CAMK1D: variants seen among roughly 807,000 people sequenced by gnomAD.
CAMK1D encodes calcium/calmodulin-dependent protein kinase type 1D.
A neutral mutation model predicts 47.7 loss-of-function variants in CAMK1D; 9 were observed. The ratio of observed to expected loss-of-function variants is 0.19; its 90% CI spans 0.11 to 0.33. The LOEUF is 0.33. Among genes scored for constraint, CAMK1D ranks in the 10% least tolerant of loss-of-function variants. The pLI is 1.00. For synonymous variants in CAMK1D, 184 were observed against 184.9 expected, an observed-to-expected ratio of 0.99 and a Z score of 0.04; for missense variants, 291 against 488.7, an observed-to-expected ratio of 0.60 and a Z score of 3.81.
Position 12,804,397 on chromosome 10 carries a change from T to C in CAMK1D, c.642-9798T>C, listed in dbSNP as rs955209990. Among the ~76,000 whole-genome samples, 146 of 152,050 alleles carry C rather than the reference T, an allele frequency of 9.6e-4. 1 individual carries two copies. Among genetic ancestry groups the C allele is most frequent in the African/African-American group, 3.3e-3 (136 of 41,484 alleles). ...GGGAGGCAGAGGTGGGCGGATTACC[T>C]GAGGTCAGGAGTTCAAGACCAGCCT... On this transcript the variant is annotated intron_variant, in intron 6 of 10. Transcript: ENST00000619168.
At chr10:12,659,792 T>A (rs548419252) in intron 2 of CAMK1D, among the ~76,000 whole-genome samples, 1 of 152,350 alleles carries the variant, frequency 6.6e-6, no homozygotes, top group African/African-American at 2.4e-5. Flanking sequence ...TTCAGCTTTC[T>A]GGGCTGCTTA....
At chr10:12,724,970 C>G (rs3995694) in intron 3 of CAMK1D, among the ~76,000 whole-genome samples, 1 of 152,014 alleles carries the variant, frequency 6.6e-6, no homozygotes, top group African/African-American at 2.4e-5. Context: ...AAAAAAGGCA[C>G]GTTTCTTTCA....
At chr10:12,774,516 G>A (rs571394212) in intron 5 of CAMK1D, among the ~76,000 whole-genome samples, 2 of 152,336 alleles carry the variant, frequency 1.3e-5, no homozygotes, top group South Asian at 2.1e-4. Context: ...CTTGGAAATC[G>A]TCGTATAGAC....
chr10:12,785,804 A>G (rs184672325), intron 5 of CAMK1D, among the ~76,000 whole-genome samples: 2 of 152,316 alleles, frequency 1.3e-5, no homozygotes, highest in African/African-American at 2.4e-5. Flanking sequence ...TCCCAGGGCT[A>G]TGTACCTCAC....
chr10:12,615,786 AGT>A (rs1265979180), intron 2 of CAMK1D, among the ~76,000 whole-genome samples: 2 of 144,658 alleles, frequency 1.4e-5, no homozygotes, highest in South Asian at 2.2e-4. Context: ...GCATGTGTGT[AGT>A]GTGTAGGTAT....
At chr10:12,443,983 T>G (rs1419883426) in intron 1 of CAMK1D, among the ~76,000 whole-genome samples, 1 of 152,180 alleles carries the variant, frequency 6.6e-6, no homozygotes, top group Non-Finnish European at 1.5e-5. Context: ...AAGGGACAGA[T>G]TATTCATGCC....
chr10:12,518,499 T>A lies in CAMK1D; in HGVS notation c.93-34726T>A, dbSNP rs962461567. Among the ~76,000 whole-genome samples the A allele has an allele frequency of 3.6e-4, 37 of 103,726 alleles. 10 individuals carry two copies. The highest frequency in any genetic ancestry group is 5.5e-4 in the Non-Finnish European group (26 of 47,224). The allele number at this position is 103,726 out of a possible 152,430, so 68.0% of individuals were successfully genotyped here. On this transcript the variant is annotated intron_variant, in intron 1 of 10. Transcript: ENST00000619168. ...TTTTTTATTTTTTATTTTTTATTTT[T>A]TTTTTTTATTGATCATTCTTGGGTG...
At chr10:12,649,605 G>A (rs1470025980) in intron 2 of CAMK1D, among the ~76,000 whole-genome samples, 2 of 152,194 alleles carry the variant, frequency 1.3e-5, no homozygotes, top group African/African-American at 4.8e-5. Context: ...AGAAACCCCA[G>A]ATAATGACAG....
At chr10:12,539,555 T>C (rs1242275103) in intron 1 of CAMK1D, among the ~76,000 whole-genome samples, 1 of 152,186 alleles carries the variant, frequency 6.6e-6, no homozygotes, top group Non-Finnish European at 1.5e-5. Flanking sequence ...TGTTGGATGT[T>C]TGTAGCAGTC....
chr10:12,546,331 C>T (rs192731971), intron 1 of CAMK1D, among the ~76,000 whole-genome samples: 7 of 151,792 alleles, frequency 4.6e-5, no homozygotes, highest in Non-Finnish European at 7.4e-5. Flanking sequence ...GTCTTGTCAG[C>T]GGAAAACCTG....
intron 1 of CAMK1D, among the ~76,000 whole-genome samples, chr10:12,433,283 C>A (rs968657929): frequency 6.6e-6 from 1 of 152,150 alleles, no homozygotes; most frequent in Non-Finnish European, 1.5e-5. Flanking sequence ...CATTCTCATC[C>A]TACCAGCTGC....
intron 1 of CAMK1D, among the ~76,000 whole-genome samples, chr10:12,515,023 T>TA (rs540557134): frequency 9.6e-4 from 146 of 151,558 alleles, no homozygotes; most frequent in African/African-American, 3.0e-3. Context: ...GCTAATTTTT[T>TA]TTTTTTATTT....
intron 2 of CAMK1D, among the ~76,000 whole-genome samples, chr10:12,612,112 T>A (rs922335245): frequency 6.6e-6 from 1 of 152,214 alleles, no homozygotes; most frequent in African/African-American, 2.4e-5. Flanking sequence ...ATTTGCTTTC[T>A]GTCCTCTCTT....
intron 2 of CAMK1D, among the ~76,000 whole-genome samples, chr10:12,615,322 CTAAA>C (rs1393039899): frequency 2.0e-5 from 3 of 152,180 alleles, no homozygotes; most frequent in Non-Finnish European, 4.4e-5. Context: ...CCATTTCCAT[CTAAA>C]TAAGAAAATA....
In CAMK1D at chr10:12,564,157, C is replaced by G. The variant is rs201874586; in HGVS notation, c.224+10801C>G. On this transcript the variant is annotated intron_variant, in intron 2 of 10. Transcript: ENST00000619168. Reference sequence around the variant, plus strand: ...TCTCTCTCTCTCTCTGTCTCTCTCTCTCTCTCTCTCTCTCTCTCTCTCTCA... The same window carrying G: ...TCTCTCTCTCTCTCTGTCTCTCTCTGTCTCTCTCTCTCTCTCTCTCTCTCA... Among the ~76,000 whole-genome samples the G allele has an allele frequency of 3.7e-3, 468 of 125,830 alleles. 9 individuals are homozygous for G. The highest frequency in any genetic ancestry group is 8.2e-3 in the African/African-American group (284 of 34,776). The allele number at this position is 125,830 out of a possible 152,430, so 82.5% of individuals were successfully genotyped here.
chr10:12,702,206 C>T (rs993212058), intron 3 of CAMK1D, among the ~76,000 whole-genome samples: 21 of 151,758 alleles, frequency 1.4e-4, no homozygotes, highest in African/African-American at 4.4e-4. Context: ...TGGCACACAA[C>T]GGAAGACGGT....
chr10:12,383,849 G>A (rs905209437), intron 1 of CAMK1D, among the ~76,000 whole-genome samples: 2 of 152,144 alleles, frequency 1.3e-5, no homozygotes, highest in Non-Finnish European at 2.9e-5. Context: ...TTGTAGTGGA[G>A]GTTCTAGCCA....
chr10:12,704,160 T>C (rs571449932), intron 3 of CAMK1D, among the ~76,000 whole-genome samples: 3 of 152,274 alleles, frequency 2.0e-5, no homozygotes, highest in African/African-American at 7.2e-5. Flanking sequence ...AGCTGTGCTA[T>C]ATTCATCCCT....
At chr10:12,380,681 C>T (rs1838315275) in intron 1 of CAMK1D, among the ~76,000 whole-genome samples, 1 of 152,108 alleles carries the variant, frequency 6.6e-6, no homozygotes, top group Non-Finnish European at 1.5e-5. Context: ...ACGGTGAAAC[C>T]CCATCTCTAC....
Sources: gnomAD v4.1 joint callset for allele counts (sites outside exome capture counted in the v4.1 genomes callset) on GRCh38, gnomAD v4.1.1 for gene constraint, MANE v1.5 for transcripts, NCBI Gene and HGNC (gene_info 2026-07-23, HGNC 2026-07-21) for gene names.